The following IL17F variants were observed in gnomAD, a reference collection of about 807,000 sequenced individuals.
IL17F encodes interleukin 17F, also known as interleukin-17F.
In IL17F, 6 loss-of-function variants were observed where a neutral mutation model predicts 8.3. The ratio of observed to expected loss-of-function variants is 0.73; its 90% confidence interval spans 0.40 to 1.43. IL17F has a LOEUF of 1.43. Ranked by LOEUF, IL17F falls within the 40% of genes most tolerant of loss-of-function variation. The pLI is 0.02. For synonymous variants in IL17F, 98 were observed against 81.6 expected (o/e 1.20, Z -1.08); for missense variants, 204 against 209.6 (o/e 0.97, Z 0.17).
intron 2 of IL17F, among the ~76,000 whole-genome samples, chr6:52,238,217 G>A (rs578233660): frequency 1.3e-5 from 2 of 152,320 alleles, no homozygotes; most frequent in Admixed American, 6.5e-5. Flanking sequence ...GAGAGTATGA[G>A]GGAGTGCTTG....
intron 1 of IL17F, among the ~76,000 whole-genome samples, chr6:52,243,150 T>A (rs1764101242): frequency 6.6e-6 from 1 of 152,180 alleles, no homozygotes; most frequent in Non-Finnish European, 1.5e-5. Flanking sequence ...AAATATAAAA[T>A]AAAACATACC....
At chr6:52,238,638 T>A (rs1165099492) in intron 2 of IL17F, 92 bp downstream of exon 2, 2 of 1,128,402 alleles carry the variant, frequency 1.8e-6, no homozygotes, top group East Asian at 5.1e-5. Context: ...CCCTTTTATT[T>A]TTTCTATGTA....
chr6:52,244,276 C>T (rs928444299), intron 1 of IL17F, 121 bp downstream of exon 1: 1 of 957,302 alleles, frequency 1.0e-6, no homozygotes, highest in Non-Finnish European at 1.7e-6. Context: ...AAATTAAAGT[C>T]ATCTCTGTTT....
chr6:52,237,151 T>C lies in IL17F; in HGVS notation c.272A>G (p.Asn91Ser). The part of the protein sequence containing the change: ...PWNYTVTWDP[N>S]RYPSEVVQAQ... ...CTGTACAACTTCCGAGGGGTACCGG[T>C]TGGGGTCCCAAGTGACACTGCAGGA... The change falls in exon 3 of 3, where the codon AAC becomes AGC. Residue 91 changes from asparagine to serine, a missense_variant. Asn to Ser is a conservative substitution (Grantham distance 46). Transcript: ENST00000336123. 1 of 1,613,910 alleles carries C rather than the reference T, an allele frequency of 6.2e-7. No homozygotes were observed. Among genetic ancestry groups the C allele is most frequent in the Non-Finnish European group, 8.5e-7 (1 of 1,179,916 alleles).
chr6:52,244,508 G>T, upstream of IL17F: 2 of 1,326,174 alleles, frequency 1.5e-6, no homozygotes, highest in South Asian at 1.2e-5. Context: ...TTCTATCAAT[G>T]AGAGTACCTG....
rs758366511 is a variant in IL17F, at chr6:52,244,390, T to A, written c.33+7A>T. On this transcript the variant is annotated splice_region_variant and intron_variant, in intron 1 of 2. Transcript: ENST00000336123. ...GTCCTTAAACCAGAATGATTGCTGC[T>A]ACTCACCATGGCTGGGCCATGCAGG... 2 of 1,613,660 alleles carry A rather than the reference T, an allele frequency of 1.2e-6. No individual in the cohort carries two copies. The highest frequency in any genetic ancestry group is 1.7e-6 in the Non-Finnish European group (2 of 1,179,532).
chr6:52,243,135 C>A (rs981885887), intron 1 of IL17F, among the ~76,000 whole-genome samples: 1 of 152,170 alleles, frequency 6.6e-6, no homozygotes, highest in African/African-American at 2.4e-5. Context: ...TTTAAAATAA[C>A]ACATAAATAT....
chr6:52,237,222 C>T (rs1446741932), intron 2 of IL17F, 54 bp from the exon 3 acceptor site: 9 of 1,333,916 alleles, frequency 6.7e-6, no homozygotes, highest in African/African-American at 2.9e-5. Context: ...AGGAAGACAG[C>T]GAATGAGAGC....
chr6:52,244,501 T>C (rs1764128610), upstream of IL17F: 1 of 1,406,302 alleles, frequency 7.1e-7, no homozygotes, highest in African/African-American at 1.4e-5. Context: ...GCCTGTGTTC[T>C]ATCAATGAGA....
At chr6:52,238,007 A>G (rs1471835504) in intron 2 of IL17F, among the ~76,000 whole-genome samples, 1 of 152,234 alleles carries the variant, frequency 6.6e-6, no homozygotes, top group Admixed American at 6.5e-5. Context: ...AGGGCGCCCC[A>G]TAGTAAGTCT....
At chr6:52,242,514 A>C (rs886666579) in intron 1 of IL17F, among the ~76,000 whole-genome samples, 3 of 152,236 alleles carry the variant, frequency 2.0e-5, no homozygotes, top group African/African-American at 7.2e-5. Context: ...TTCTTTAAGG[A>C]AACTAGAATT....
intron 2 of IL17F, among the ~76,000 whole-genome samples, 157 bp from the exon 3 acceptor site, chr6:52,237,325 C>T (rs1763983392): frequency 6.6e-6 from 1 of 152,180 alleles, no homozygotes; most frequent in South Asian, 2.1e-4. Flanking sequence ...ATACACCAGC[C>T]TCTGGCAGTG....
chr6:52,244,568 C>G, upstream of IL17F: 1 of 823,778 alleles, frequency 1.2e-6, no homozygotes. Context: ...TGCTTACTGT[C>G]TTTAAGTTGT....
chr6:52,245,040 A>T (rs570359099), upstream of IL17F, among the ~76,000 whole-genome samples: 1 of 152,212 alleles, frequency 6.6e-6, no homozygotes, highest in African/African-American at 2.4e-5. Flanking sequence ...TTATTTTTTA[A>T]CCCCATGGTT....
intron 1 of IL17F, among the ~76,000 whole-genome samples, chr6:52,243,378 AC>A (rs1004057673): frequency 1.3e-5 from 2 of 152,288 alleles, no homozygotes; most frequent in African/African-American, 4.8e-5. Context: ...CATTGCATTA[AC>A]ATCTCTCTTT....
chr6:52,240,476 C>G (rs554196143), intron 1 of IL17F, among the ~76,000 whole-genome samples: 15 of 148,764 alleles, frequency 1.0e-4, no homozygotes, highest in Non-Finnish European at 1.5e-4. Flanking sequence ...AAATAAGTTG[C>G]TTTTATTCTC....
chr6:52,244,650 G>A (rs1268198959), upstream of IL17F: 2 of 579,784 alleles, frequency 3.4e-6, no homozygotes, highest in South Asian at 2.2e-5. Context: ...GAACAAAAGG[G>A]GGACCCTAAA....
At chr6:52,240,817 T>C (rs1764060436) in intron 1 of IL17F, among the ~76,000 whole-genome samples, 1 of 151,982 alleles carries the variant, frequency 6.6e-6, no homozygotes, top group Non-Finnish European at 1.5e-5. Context: ...GGGCATGGGC[T>C]TCAGAGTCAG....
chr6:52,241,065 C>T (rs984663960), intron 1 of IL17F, among the ~76,000 whole-genome samples: 17 of 149,890 alleles, frequency 1.1e-4, no homozygotes, highest in African/African-American at 3.5e-4. Flanking sequence ...ACTGCTATGG[C>T]GTTTGTTTGT....
Sources: gnomAD v4.1 joint callset for allele counts (sites outside exome capture counted in the v4.1 genomes callset) on GRCh38, gnomAD v4.1.1 for gene constraint, MANE v1.5 for transcripts, NCBI Gene and HGNC (gene_info 2026-07-23, HGNC 2026-07-21) for gene names.